Variants in CLMP observed in about 807,000 individuals in gnomAD.
CLMP encodes CXADR like cell adhesion molecule.
In CLMP, 27 loss-of-function variants were observed where a neutral mutation model predicts 45.2. That is an observed-to-expected ratio of 0.60 (90% CI 0.44 to 0.82). CLMP has a LOEUF of 0.82. Among genes scored for constraint, CLMP ranks in the 40% least tolerant of loss-of-function variants. The pLI, the probability that CLMP is intolerant of heterozygous loss-of-function variation, is 0.00. For missense variants in CLMP, 403 were observed against 448.4 expected (o/e 0.90, Z 0.91); for synonymous variants, 167 against 171.4 (o/e 0.97, Z 0.20).
rs149130839 is a variant in CLMP at position 123,125,068 on chromosome 11, C to T, written c.29-27116G>A. Among the ~76,000 whole-genome samples, 254 of 152,072 alleles carry T rather than the reference C, an allele frequency of 1.7e-3. 6 individuals carry two copies. The East Asian group carries it at 0.046, about 27-fold the overall frequency. ...TGCACTACCATGCCTAGCTAATTTT[C>T]TGTATTTTTAGCAGAGACAGGGTTT... On this transcript the variant is annotated intron_variant, in intron 1 of 6. Transcript: ENST00000448775.
intron 1 of CLMP, among the ~76,000 whole-genome samples, chr11:123,171,278 A>G (rs945378296): frequency 6.6e-6 from 1 of 152,140 alleles, no homozygotes; most frequent in African/African-American, 2.4e-5. Flanking sequence ...CTCCTAGTTT[A>G]AAGACACCAA....
chr11:123,108,840 G>C (rs563955332), intron 1 of CLMP, among the ~76,000 whole-genome samples: 1 of 152,086 alleles, frequency 6.6e-6, no homozygotes, highest in South Asian at 2.1e-4. Context: ...GATCACCTGA[G>C]GTCGGGAGTT....
At chr11:123,090,420 CA>C (rs959561991) in intron 2 of CLMP, among the ~76,000 whole-genome samples, 49 of 141,494 alleles carry the variant, frequency 3.5e-4, no homozygotes, top group East Asian at 6.2e-4. Flanking sequence ...GACTCTGTCT[CA>C]AAAAAAAAAA....
At chr11:123,142,624 T>TTTC (rs1861177393) in intron 1 of CLMP, among the ~76,000 whole-genome samples, 1 of 123,678 alleles carries the variant, frequency 8.1e-6, no homozygotes, top group African/African-American at 3.6e-5. Flanking sequence ...GAGGTTTCTT[T>TTTC]TTTTTTTTTT....
intron 1 of CLMP, among the ~76,000 whole-genome samples, chr11:123,109,508 CT>C (rs1201823936): frequency 2.0e-5 from 3 of 152,164 alleles, no homozygotes; most frequent in African/African-American, 7.2e-5. Flanking sequence ...AGATGATTGT[CT>C]TTTCCTTGAA....
chr11:123,137,305 C>T (rs1275785444), intron 1 of CLMP, among the ~76,000 whole-genome samples: 1 of 151,694 alleles, frequency 6.6e-6, no homozygotes, highest in East Asian at 1.9e-4. Flanking sequence ...AGGCACCCGC[C>T]ACCACGCCCG....
At chr11:123,176,536 G>A (rs1049209313) in intron 1 of CLMP, among the ~76,000 whole-genome samples, 3 of 152,186 alleles carry the variant, frequency 2.0e-5, no homozygotes, top group Non-Finnish European at 4.4e-5. Flanking sequence ...GAGCCAGTGG[G>A]ACCCTAGTTG....
At chr11:123,151,949 C>A (rs1861341678) in intron 1 of CLMP, among the ~76,000 whole-genome samples, 1 of 152,266 alleles carries the variant, frequency 6.6e-6, no homozygotes, top group Admixed American at 6.5e-5. Context: ...AGCTCCCTGC[C>A]TCCTTCCTCT....
At chr11:123,165,307 G>A (rs1305796307) in intron 1 of CLMP, among the ~76,000 whole-genome samples, 1 of 152,144 alleles carries the variant, frequency 6.6e-6, no homozygotes, top group Non-Finnish European at 1.5e-5. Flanking sequence ...TCCACCATAT[G>A]GTAAGTCTAA....
chr11:123,089,562 A>G (rs550068337), intron 2 of CLMP, among the ~76,000 whole-genome samples: 180 of 151,026 alleles, frequency 1.2e-3, no homozygotes, highest in African/African-American at 3.7e-3. Context: ...TCAGGAGATC[A>G]AGACCATCCT....
chr11:123,171,395 G>C (rs967426077), intron 1 of CLMP, among the ~76,000 whole-genome samples: 1 of 151,418 alleles, frequency 6.6e-6, no homozygotes, highest in African/African-American at 2.4e-5. Context: ...GAGAAGGGAG[G>C]GTATTTGGGA....
intron 1 of CLMP, among the ~76,000 whole-genome samples, chr11:123,184,540 G>C (rs1419222308): frequency 6.6e-6 from 1 of 152,194 alleles, no homozygotes; most frequent in Non-Finnish European, 1.5e-5. Flanking sequence ...AAGAGGAAAG[G>C]AGAGGAAGAG....
chr11:123,080,251 T>G (rs902605455), intron 5 of CLMP, among the ~76,000 whole-genome samples: 2 of 152,296 alleles, frequency 1.3e-5, no homozygotes, highest in Non-Finnish European at 2.9e-5. Context: ...ATACCATCAC[T>G]TCTGCTGTAT....
At chr11:123,096,932 C>T (rs1865997727) in intron 2 of CLMP, among the ~76,000 whole-genome samples, 1 of 150,300 alleles carries the variant, frequency 6.7e-6, no homozygotes, top group South Asian at 2.1e-4. Flanking sequence ...TGCACTCAGG[C>T]GATCCTCCTG....
At position 123,172,813 on chromosome 11, in the gene CLMP, A is replaced by G. The variant is rs540054689; in HGVS notation, c.28+22100T>C. 3.7e-4 allele frequency among the ~76,000 whole-genome samples: 56 copies of G among 152,342 alleles called. 1 individual carries two copies. The South Asian group carries it at 0.011, about 31-fold the overall frequency. On this transcript the variant is annotated intron_variant, in intron 1 of 6. Coordinates refer to ENST00000448775, the MANE Select transcript of CLMP (RefSeq NM_024769.5). ...TAAACATTTTTTTACATTGTATTTT[A>G]TTATGTCCTTAGCATAGATTTCTAA...
At position 123,071,059 on chromosome 11, in the gene CLMP, C is replaced by T. The variant is rs185835742; in HGVS notation, c.*2415G>A. 616 of 152,340 alleles carry T rather than the reference C, an allele frequency of 4.0e-3. No homozygotes were observed. Among genetic ancestry groups the T allele is most frequent in the Non-Finnish European group, 6.8e-3 (460 of 68,038 alleles). 9.4% of individuals were successfully genotyped at this position (152,340 alleles called of 1,614,324 possible). On this transcript the variant is annotated 3_prime_UTR_variant, in exon 7 of 7. Transcript: ENST00000448775. ...AGATTAGTCTTTCCTCTTTAAGCAT[C>T]TGCTTCCCATTTTAGAAACATGCTT...
Position 123,194,966 on chromosome 11 carries a change from C to A in CLMP, c.-26G>T. ...CCCGATCCCCGGACGCGGGCGCTTCCCCGCTCAGCTGCTGCTTGGCTCCGG... is the reference window on the plus strand; with the variant it reads ...CCCGATCCCCGGACGCGGGCGCTTCACCGCTCAGCTGCTGCTTGGCTCCGG... On this transcript the variant is annotated 5_prime_UTR_variant, in exon 1 of 7. Transcript: ENST00000448775. The A allele has an allele frequency of 6.2e-7, 1 of 1,610,620 alleles. No homozygotes were observed. The highest frequency in any genetic ancestry group is 8.5e-7 in the Non-Finnish European group (1 of 1,178,480).
chr11:123,081,121 G>T (rs1295390899), intron 5 of CLMP, among the ~76,000 whole-genome samples: 1 of 151,822 alleles, frequency 6.6e-6, no homozygotes, highest in Non-Finnish European at 1.5e-5. Context: ...CCATTGCACT[G>T]CAGCCTGGGT....
chr11:123,161,881 G>A (rs1861492153), intron 1 of CLMP, among the ~76,000 whole-genome samples: 1 of 152,136 alleles, frequency 6.6e-6, no homozygotes, highest in African/African-American at 2.4e-5. Context: ...AGCCCTGCAG[G>A]TGCTAACGAT....
Sources: gnomAD v4.1 joint callset for allele counts (sites outside exome capture counted in the v4.1 genomes callset) on GRCh38, gnomAD v4.1.1 for gene constraint, MANE v1.5 for transcripts, NCBI Gene and HGNC (gene_info 2026-07-23, HGNC 2026-07-21) for gene names.